The following PLCE1 variants were observed in gnomAD, a reference collection of about 807,000 sequenced individuals.
PLCE1 encodes phospholipase C epsilon 1, also known as 1-phosphatidylinositol 4,5-bisphosphate phosphodiesterase epsilon-1.
In PLCE1, 119 loss-of-function variants were observed where a neutral mutation model predicts 242.8. The observed-to-expected ratio is 0.49, with a 90% CI of 0.42 to 0.57. The LOEUF (loss-of-function observed/expected upper bound fraction) is 0.57, where lower values mean the gene tolerates loss of function less well. PLCE1 is among the 20% of genes least tolerant of loss of function. PLCE1 has a pLI of 0.00. For missense variants in PLCE1, 2,441 were observed against 2,788.8 expected, an observed-to-expected ratio of 0.88 and a Z score of 2.81; for synonymous variants, 945 against 1,017.4, an observed-to-expected ratio of 0.93 and a Z score of 1.35.
intron 2 of PLCE1, among the ~76,000 whole-genome samples, chr10:94,071,759 AAAG>A (rs1429951535): frequency 1.3e-5 from 2 of 151,746 alleles, no homozygotes; most frequent in African/African-American, 2.4e-5. Context: ...TCAGCCTCCA[AAAG>A]TGCTAGGAAT....
chr10:94,132,302 T>C lies in PLCE1; in HGVS notation c.1335T>C (p.Cys445=). 6.2e-7 allele frequency: 1 copy of C among 1,613,902 alleles called. No homozygotes were observed. Among genetic ancestry groups the C allele is most frequent in the Non-Finnish European group, 8.5e-7 (1 of 1,179,974 alleles). ...RISVGPCLKQ[C]VRDTVCEYRA... ...GCGTTGGTCCATGCTTAAAGCAATG[T>C]GTCCGAGACACTGTATGTGAGTATC... Residue 445 remains cysteine (C), a synonymous_variant, in exon 3 of 33, where the codon TGT becomes TGC. Transcript: ENST00000371380.
intron 2 of PLCE1, among the ~76,000 whole-genome samples, chr10:94,037,676 G>T (rs2061690082): frequency 6.6e-6 from 1 of 152,176 alleles, no homozygotes. Flanking sequence ...CATGTCTAGT[G>T]CCTCAGTGGA....
intron 3 of PLCE1, among the ~76,000 whole-genome samples, chr10:94,168,773 A>T (rs1195068685): frequency 6.6e-6 from 1 of 152,132 alleles, no homozygotes. Flanking sequence ...TCCTCTGCAG[A>T]GTGCTATAGT....
rs78231403 is a variant in PLCE1, at chr10:94,214,199, T to G, written c.1810-13107T>G. The stretch of plus-strand genomic sequence containing the variant: ...ATTGCAGCCAACTCCATGTTGGTGC[T>G]GCCCTTCCCAGAAGACTGTCCAAGT... On this transcript the variant is annotated intron_variant, in intron 4 of 32. Transcript: ENST00000371380. 1.6e-4 allele frequency among the ~76,000 whole-genome samples: 24 copies of G among 152,334 alleles called. No individual in the cohort carries two copies. The East Asian group carries it at 4.0e-3, about 26-fold the overall frequency.
At chr10:94,199,478 C>T (rs535949950) in intron 4 of PLCE1, among the ~76,000 whole-genome samples, 1 of 152,268 alleles carries the variant, frequency 6.6e-6, no homozygotes, top group South Asian at 2.1e-4. Flanking sequence ...CTTTGTGAAC[C>T]ATAAAGTGCT....
At chr10:94,094,297 A>G (rs939118084) in intron 2 of PLCE1, among the ~76,000 whole-genome samples, 3 of 148,036 alleles carry the variant, frequency 2.0e-5, no homozygotes, top group African/African-American at 7.8e-5. Context: ...GTATACAAAT[A>G]TGAACAAGAC....
At chr10:94,268,852 G>A (rs1044941886) in intron 16 of PLCE1, 77 bp from the exon 17 acceptor site, 2 of 810,862 alleles carry the variant, frequency 2.5e-6, no homozygotes, top group African/African-American at 3.4e-5. Flanking sequence ...CTGATATGTA[G>A]AACTACATGC....
intron 24 of PLCE1, among the ~76,000 whole-genome samples, chr10:94,303,759 T>C (rs2053114477): frequency 6.6e-6 from 1 of 152,176 alleles, no homozygotes; most frequent in Admixed American, 6.5e-5. Flanking sequence ...CTCCATATCC[T>C]TGGGTTCCAC....
chr10:94,299,540 C>G (rs1455910549), intron 24 of PLCE1, among the ~76,000 whole-genome samples: 2 of 152,208 alleles, frequency 1.3e-5, no homozygotes, highest in Non-Finnish European at 2.9e-5. Context: ...ATAAATGTTT[C>G]CTAAAAGCTC....
intron 4 of PLCE1, among the ~76,000 whole-genome samples, chr10:94,191,615 T>G (rs1217439055): frequency 6.6e-6 from 1 of 151,858 alleles, no homozygotes; most frequent in Non-Finnish European, 1.5e-5. Context: ...CATTCCAGCC[T>G]GGGGAACAGA....
chr10:94,031,117 C>G lies in PLCE1; in HGVS notation c.71C>G (p.Ser24Trp). 1.2e-6 allele frequency: 2 copies of G among 1,613,660 alleles called. No individual in the cohort carries two copies. The highest frequency in any genetic ancestry group is 1.3e-5 in the African/African-American group (1 of 75,004). Reference sequence around the variant, plus strand: ...CAGAGAAAAGTGGTTTCTGCCCAGTCGGCTGCAGATGAAAGTAGTGAAAAG... The same window carrying G: ...CAGAGAAAAGTGGTTTCTGCCCAGTGGGCTGCAGATGAAAGTAGTGAAAAG... ...VTQRKVVSAQSAADESSEKVS... is the reference protein window; with the variant it reads ...VTQRKVVSAQWAADESSEKVS... The change falls in exon 2 of 33, where the codon TCG (serine) becomes TGG (tryptophan). Residue 24 changes from serine (S) to tryptophan (W), a missense_variant. By Grantham distance (177) the Ser-to-Trp change is radical (BLOSUM62 -3). Around this residue, in one of 5 missense-constraint regions of PLCE1, gnomAD observed 393 missense variants for 378.5 expected, o/e 1.04. Transcript: ENST00000371380.
chr10:94,233,954 A>G, intron 5 of PLCE1, 100 bp from the exon 6 acceptor site: 1 of 1,189,944 alleles, frequency 8.4e-7, no homozygotes, highest in South Asian at 1.4e-5. Flanking sequence ...CCTAAAAAAA[A>G]AAAATGGTAA....
At chr10:94,212,973 AACAAG>A (rs1424227299) in intron 4 of PLCE1, among the ~76,000 whole-genome samples, 1 of 152,240 alleles carries the variant, frequency 6.6e-6, no homozygotes, top group Admixed American at 6.5e-5. Context: ...CCAGTCAACA[AACAAG>A]ACAAATTAAG....
rs146264720 is a variant in PLCE1 at position 94,122,848 on chromosome 10, A to G, written c.1207-9326A>G. On this transcript the variant is annotated intron_variant, in intron 2 of 32. Transcript: ENST00000371380. ...GGTCCCAGCCCAGAGTTTTTGATTC[A>G]GTAGGCCTGCGATGGAGCCCAAGAA... is the stretch of plus-strand genomic sequence containing the variant. 3.4e-4 allele frequency among the ~76,000 whole-genome samples: 52 copies of G among 152,332 alleles called. No homozygotes were observed. The East Asian group carries it at 8.9e-3, about 26-fold the overall frequency.
intron 2 of PLCE1, among the ~76,000 whole-genome samples, chr10:94,066,705 C>T (rs1268556786): frequency 6.6e-6 from 1 of 152,124 alleles, no homozygotes; most frequent in African/African-American, 2.4e-5. Flanking sequence ...TGCAACTTCC[C>T]GACTGGGATC....
intron 2 of PLCE1, among the ~76,000 whole-genome samples, chr10:94,086,395 T>A (rs1359564904): frequency 6.6e-6 from 1 of 152,224 alleles, no homozygotes; most frequent in Non-Finnish European, 1.5e-5. Context: ...AAGCCAAAAT[T>A]ACATCCACCC....
intron 4 of PLCE1, among the ~76,000 whole-genome samples, chr10:94,178,896 G>A (rs376075436): frequency 1.3e-5 from 2 of 152,156 alleles, no homozygotes; most frequent in Admixed American, 6.5e-5. Context: ...GTTTAGAAAC[G>A]TCTCAATCAA....
intron 2 of PLCE1, among the ~76,000 whole-genome samples, chr10:94,126,835 T>G (rs1300009056): frequency 2.6e-5 from 4 of 152,202 alleles, no homozygotes; most frequent in African/African-American, 9.6e-5. Context: ...GGAATTATCA[T>G]GAATAAAAAC....
chr10:94,186,135 G>A (rs547017036), intron 4 of PLCE1, among the ~76,000 whole-genome samples: 3 of 152,200 alleles, frequency 2.0e-5, no homozygotes, highest in Non-Finnish European at 2.9e-5. Context: ...CTTGAGGCTG[G>A]ACATTCCCCA....
Sources: allele counts gnomAD v4.1 joint callset (sites outside exome capture counted in the v4.1 genomes callset), GRCh38; gene constraint gnomAD v4.1.1; regional missense constraint gnomAD v4.1.1; transcripts MANE v1.5; gene names NCBI Gene and HGNC (gene_info 2026-07-23, HGNC 2026-07-21).